The following PUDP variants were observed in gnomAD, a reference collection of about 807,000 sequenced individuals.
PUDP encodes the protein pseudouridine-5'-phosphatase.
A neutral mutation model predicts 9.4 loss-of-function variants in PUDP; 8 were observed. The ratio of observed to expected loss-of-function variants is 0.85; its 90% confidence interval spans 0.50 to 1.53. PUDP has a LOEUF of 1.53. PUDP is among the 40% of genes most tolerant of loss of function. The pLI is 0.00. For synonymous variants in PUDP, 99 were observed against 80.7 expected (o/e 1.23, Z -1.22); for missense variants, 188 against 189.7 (o/e 0.99, Z 0.05).
intron 3 of PUDP, among the ~76,000 whole-genome samples, chrX:6,797,448 G>T (rs1925863048): frequency 9.0e-6 from 1 of 111,506 alleles, no homozygotes; most frequent in African/African-American, 3.3e-5. Flanking sequence ...TCATAAAAGA[G>T]ATTATGGTTT....
At chrX:6,839,196 A>G (rs979216490) in intron 3 of PUDP, among the ~76,000 whole-genome samples, 3 of 111,796 alleles carry the variant, frequency 2.7e-5, no homozygotes, top group Admixed American at 9.5e-5. Context: ...TTTTGAGGCA[A>G]TAAGTAGTAG....
intron 2 of PUDP, among the ~76,000 whole-genome samples, chrX:7,101,500 G>A (rs1044192083): frequency 3.6e-5 from 4 of 112,223 alleles, no homozygotes; most frequent in African/African-American, 1.3e-4. Context: ...GGATCACCAA[G>A]TAGATTCCAT....
intron 3 of PUDP, among the ~76,000 whole-genome samples, chrX:6,790,019 A>G (rs1334074252): frequency 9.0e-6 from 1 of 110,927 alleles, no homozygotes; most frequent in East Asian, 2.8e-4. Flanking sequence ...ATAGGTAGAG[A>G]AAAAAGGTAG....
chrX:6,981,369 G>T (rs1279662064), intron 1 of PUDP, among the ~76,000 whole-genome samples: 1 of 111,596 alleles, frequency 9.0e-6, no homozygotes, highest in Admixed American at 9.5e-5. Context: ...AAAACTGGCA[G>T]GTGTTTAATA....
At chrX:6,912,384 A>G (rs1482976870) in intron 3 of PUDP, among the ~76,000 whole-genome samples, 1 of 111,448 alleles carries the variant, frequency 9.0e-6, no homozygotes. Flanking sequence ...ATGCTACCCA[A>G]TCTCTCTCAA....
chrX:7,102,310 A>T (rs1332462969), intron 2 of PUDP, among the ~76,000 whole-genome samples: 1 of 97,557 alleles, frequency 1.0e-5, no homozygotes, highest in Admixed American at 1.2e-4. Context: ...TTTACAGAAT[A>T]AGGAACCAAA....
intron 1 of PUDP, chrX:7,117,063 T>C: frequency 6.9e-6 from 8 of 1,164,776 alleles, no homozygotes; most frequent in Non-Finnish European, 9.2e-6. Flanking sequence ...ATTAAACCGT[T>C]GTTCTTCTAA....
At chrX:6,907,431 C>T (rs372535897) in intron 3 of PUDP, among the ~76,000 whole-genome samples, 34 of 111,852 alleles carry the variant, frequency 3.0e-4, no homozygotes, top group East Asian at 1.1e-3. Context: ...CTTCATGAGC[C>T]GCTCTCCATG....
chrX:6,911,483 C>T (rs981705871), intron 3 of PUDP, among the ~76,000 whole-genome samples: 1 of 111,770 alleles, frequency 8.9e-6, no homozygotes, highest in South Asian at 3.7e-4. Context: ...CGTGAGCCAC[C>T]GTGCCTGGCC....
chrX:6,919,858 CAAAAAAAAAAAAAAAAAAAAAAA>C (rs58441346), intron 3 of PUDP, among the ~76,000 whole-genome samples: 65 of 26,489 alleles, frequency 2.5e-3, no homozygotes, highest in Non-Finnish European at 3.7e-3. Context: ...GACTCCATCT[CAAAAAAAAAAAAAAAAAAAAAAA>C]AAAAAAAAAA....
At chrX:6,860,373 C>T (rs1926978935) in intron 3 of PUDP, among the ~76,000 whole-genome samples, 1 of 110,955 alleles carries the variant, frequency 9.0e-6, no homozygotes, top group Admixed American at 9.6e-5. Context: ...CTTCTGGGCT[C>T]ATGTGATCCT....
chrX:6,991,440 G>A (rs1236358466), intron 1 of PUDP, among the ~76,000 whole-genome samples: 1 of 110,712 alleles, frequency 9.0e-6, no homozygotes, highest in Non-Finnish European at 1.9e-5. Context: ...CACTTTGGGA[G>A]ACTGAGACAA....
intron 2 of PUDP, among the ~76,000 whole-genome samples, chrX:7,090,546 A>G (rs1931393540): frequency 8.9e-6 from 1 of 112,360 alleles, no homozygotes; most frequent in African/African-American, 3.2e-5. Context: ...AATTGCGCTT[A>G]CAATAGGCTG....
chrX:6,771,836 CACAG>C (rs1047382657), intron 3 of PUDP, among the ~76,000 whole-genome samples: 13 of 112,283 alleles, frequency 1.2e-4, no homozygotes, highest in African/African-American at 2.6e-4. Flanking sequence ...TTAAGGGAGC[CACAG>C]ACAATCTGTA....
chrX:6,844,698 C>T (rs1455791954), intron 3 of PUDP, among the ~76,000 whole-genome samples: 1 of 112,380 alleles, frequency 8.9e-6, no homozygotes, highest in East Asian at 2.8e-4. Flanking sequence ...ATTTATTATG[C>T]AAATTGGCTC....
Position 6,835,712 on chromosome X carries a change from C to T in PUDP, c.*248-129246G>A, listed in dbSNP as rs139555682. ...TAATTTCACCACTTATACATTGCTA[C>T]GTTGTTTTTTGGTTTTTTAAGACAG... On this transcript the variant is annotated intron_variant and NMD_transcript_variant, in intron 3 of 3. Transcript: ENST00000655425. Among the ~76,000 whole-genome samples, 14 of 110,736 alleles carry T rather than the reference C, an allele frequency of 1.3e-4. No homozygotes were observed. In the East Asian group the frequency reaches 3.4e-3, roughly 27 times the overall value.
upstream of PUDP, among the ~76,000 whole-genome samples, chrX:6,724,417 CTCTTT>C (rs1211819488): frequency 1.9e-5 from 2 of 103,733 alleles, no homozygotes; most frequent in Non-Finnish European, 3.9e-5. Flanking sequence ...GTTTTCATTT[CTCTTT>C]TCTATTCTTC....
chrX:6,790,178 T>A (rs1925722170), intron 3 of PUDP, among the ~76,000 whole-genome samples: 1 of 111,376 alleles, frequency 9.0e-6, no homozygotes, highest in African/African-American at 3.3e-5. Flanking sequence ...AGATGACAGA[T>A]AATAGACAGA....
At chrX:6,965,870 T>A (rs1251260420) in intron 3 of PUDP, among the ~76,000 whole-genome samples, 1 of 111,881 alleles carries the variant, frequency 8.9e-6, no homozygotes, top group Non-Finnish European at 1.9e-5. Flanking sequence ...GGAAACTGGT[T>A]GTAAGATGTT....
Sources: gnomAD v4.1 joint callset for allele counts (sites outside exome capture counted in the v4.1 genomes callset) on GRCh38, gnomAD v4.1.1 for gene constraint, MANE v1.5 for transcripts, NCBI Gene and HGNC (gene_info 2026-07-23, HGNC 2026-07-21) for gene names.